TSPAN7: variants seen among roughly 807,000 people sequenced by gnomAD.
TSPAN7 encodes the protein tetraspanin 7.
TSPAN7 carries 1 observed loss-of-function variant against 17.6 expected under a neutral mutation model. The observed-to-expected ratio is 0.06, with a 90% confidence interval of 0.02 to 0.27. The LOEUF (loss-of-function observed/expected upper bound fraction) is 0.27. Ranked by LOEUF, TSPAN7 falls within the 10% of genes least tolerant of loss-of-function variation. The probability of loss-of-function intolerance (pLI) is 1.00; values close to 1 mark genes in which losing one functional copy is unlikely to be tolerated. For synonymous variants in TSPAN7, 78 were observed against 79.0 expected, an observed-to-expected ratio of 0.99 and a Z score of 0.07; for missense variants, 112 against 201.7, an observed-to-expected ratio of 0.56 and a Z score of 2.69.
At chrX:38,653,931 T>TTA (rs1199387900) in intron 1 of TSPAN7, among the ~76,000 whole-genome samples, 1 of 112,414 alleles carries the variant, frequency 8.9e-6, no homozygotes, top group African/African-American at 3.2e-5. Context: ...AATAAATGAA[T>TTA]TATTGGCCAT....
chrX:38,608,110 A>C (rs766083760), intron 1 of TSPAN7: 1 of 110,556 alleles, frequency 9.0e-6, no homozygotes, highest in South Asian at 3.9e-4. Context: ...AAGTCGAAGT[A>C]AATTGGGGAC....
At chrX:38,587,517 T>C (rs941048346) in intron 1 of TSPAN7, among the ~76,000 whole-genome samples, 8 of 112,050 alleles carry the variant, frequency 7.1e-5, no homozygotes, top group Non-Finnish European at 1.3e-4. Flanking sequence ...ATTCATTAAA[T>C]AATATTATAT....
intron 1 of TSPAN7, among the ~76,000 whole-genome samples, chrX:38,562,158 G>T (rs1483506375): frequency 9.0e-6 from 1 of 111,729 alleles, no homozygotes; most frequent in African/African-American, 3.3e-5. Flanking sequence ...GCCTGGCTGG[G>T]CAAGGGCGAC....
At chrX:38,623,129 A>G (rs2069498724) in intron 1 of TSPAN7, 1 of 327,686 alleles carries the variant, frequency 3.1e-6, no homozygotes, top group Non-Finnish European at 5.9e-6. Flanking sequence ...TGGAGATCCA[A>G]GAGAGCCCAT....
intron 1 of TSPAN7, among the ~76,000 whole-genome samples, chrX:38,583,942 T>C (rs1000749303): frequency 1.0e-4 from 11 of 104,992 alleles, no homozygotes; most frequent in Non-Finnish European, 1.9e-4. Context: ...TTTCTTTTTT[T>C]TCTTTTCTTT....
intron 1 of TSPAN7, among the ~76,000 whole-genome samples, chrX:38,653,369 G>T (rs2069686280): frequency 9.0e-6 from 1 of 111,433 alleles, no homozygotes; most frequent in Admixed American, 9.5e-5. Context: ...ATCACTTTTG[G>T]TTAGAGCTAC....
intron 1 of TSPAN7, among the ~76,000 whole-genome samples, chrX:38,639,576 G>T (rs1473744461): frequency 7.6e-5 from 8 of 104,636 alleles, no homozygotes; most frequent in Non-Finnish European, 1.6e-4. Flanking sequence ...GTGATTTCCT[G>T]CTCTCTGTAC....
At chrX:38,611,917 C>G (rs2069421119) in intron 1 of TSPAN7, among the ~76,000 whole-genome samples, 1 of 111,629 alleles carries the variant, frequency 9.0e-6, no homozygotes, top group African/African-American at 3.3e-5. Context: ...GAGATAACCA[C>G]TACCCTGACT....
intron 6 of TSPAN7, among the ~76,000 whole-genome samples, chrX:38,682,139 C>T (rs1010665087): frequency 8.9e-6 from 1 of 112,351 alleles, no homozygotes; most frequent in Non-Finnish European, 1.9e-5. Flanking sequence ...AAACAAAGCT[C>T]GATTAATGTT....
intron 1 of TSPAN7, among the ~76,000 whole-genome samples, chrX:38,652,433 C>A (rs2069680543): frequency 8.9e-6 from 1 of 111,873 alleles, no homozygotes; most frequent in African/African-American, 3.3e-5. Flanking sequence ...TCTGTTGTAA[C>A]ACCTCCCAAG....
At chrX:38,624,938 G>C (rs1363546585) in intron 1 of TSPAN7, among the ~76,000 whole-genome samples, 1 of 112,498 alleles carries the variant, frequency 8.9e-6, no homozygotes. Context: ...CTACAATGAA[G>C]TCTTGAAAGC....
intron 1 of TSPAN7, among the ~76,000 whole-genome samples, chrX:38,609,016 T>C (rs1412204481): frequency 1.8e-5 from 2 of 110,679 alleles, no homozygotes; most frequent in Non-Finnish European, 3.8e-5. Context: ...TTCACATGAG[T>C]GTCCATTACT....
chrX:38,609,993 G>A (rs1478981330), intron 1 of TSPAN7, among the ~76,000 whole-genome samples: 1 of 110,442 alleles, frequency 9.1e-6, no homozygotes, highest in African/African-American at 3.3e-5. Context: ...AAAATAAGAG[G>A]TAGTACAAAA....
intron 1 of TSPAN7, among the ~76,000 whole-genome samples, chrX:38,661,261 A>G (rs963049438): frequency 8.9e-6 from 1 of 112,709 alleles, no homozygotes; most frequent in Non-Finnish European, 1.9e-5. Context: ...AGCATTTTGG[A>G]TACCCCTTGG....
At chrX:38,604,753 A>G (rs1452250870) in intron 1 of TSPAN7, among the ~76,000 whole-genome samples, 1 of 111,079 alleles carries the variant, frequency 9.0e-6, no homozygotes, top group Non-Finnish European at 1.9e-5. Context: ...GGCTGGTTCA[A>G]TATACACAAA....
chrX:38,657,968 A>G (rs1347416437), intron 1 of TSPAN7, among the ~76,000 whole-genome samples: 1 of 111,542 alleles, frequency 9.0e-6, no homozygotes, highest in Admixed American at 9.6e-5. Context: ...GATCCCTGAT[A>G]AAATCCAAAT....
At chrX:38,659,664 A>T (rs1312788074) in intron 1 of TSPAN7, among the ~76,000 whole-genome samples, 2 of 99,304 alleles carry the variant, frequency 2.0e-5, no homozygotes, top group South Asian at 4.8e-4. Context: ...TTTAATTCTA[A>T]TTTTTTTTTT....
chrX:38,642,398 G>A (rs1210476415), intron 1 of TSPAN7, among the ~76,000 whole-genome samples: 1 of 112,197 alleles, frequency 8.9e-6, no homozygotes, highest in Non-Finnish European at 1.9e-5. Context: ...TACTGAGGTT[G>A]ACTCAGAAAA....
intron 1 of TSPAN7, among the ~76,000 whole-genome samples, chrX:38,576,203 G>T (rs189974635): frequency 9.0e-6 from 1 of 111,665 alleles, no homozygotes; most frequent in Non-Finnish European, 1.9e-5. Flanking sequence ...TGTTCTAGGG[G>T]ATACAACTAG....
Sources: gnomAD v4.1 joint callset for allele counts (sites outside exome capture counted in the v4.1 genomes callset) on GRCh38, gnomAD v4.1.1 for gene constraint, MANE v1.5 for transcripts, NCBI Gene and HGNC (gene_info 2026-07-23, HGNC 2026-07-21) for gene names.